The following COG6 variants were observed in gnomAD, a reference collection of about 807,000 sequenced individuals.
COG6 encodes component of oligomeric golgi complex 6.
A neutral mutation model predicts 88.8 loss-of-function variants in COG6; 74 were observed. The ratio of observed to expected loss-of-function variants is 0.83; its 90% confidence interval spans 0.69 to 1.01. COG6 has a LOEUF of 1.01. Among genes scored for constraint, COG6 ranks in the 50% least tolerant of loss-of-function variants. The probability of loss-of-function intolerance (pLI) is 0.00; values close to 1 mark genes in which losing one functional copy is unlikely to be tolerated. For missense variants in COG6, 800 were observed against 797.9 expected (o/e 1.00, Z -0.03); for synonymous variants, 286 against 278.7 (o/e 1.03, Z -0.26).
At chr13:39,707,329 A>G (rs369538653) in intron 13 of COG6, among the ~76,000 whole-genome samples, 10 of 151,842 alleles carry the variant, frequency 6.6e-5, no homozygotes, top group Admixed American at 2.0e-4. Context: ...GGGTTTCACC[A>G]TGTTGGCCAG....
At chr13:39,755,547 G>A (rs1273647744), downstream of COG6, among the ~76,000 whole-genome samples, 1 of 152,152 alleles carries the variant, frequency 6.6e-6, no homozygotes, top group Non-Finnish European at 1.5e-5. Context: ...AGAAAGGTTG[G>A]GAATGAGATG....
At chr13:39,777,073 C>T (rs1881486502) in intron 18 of COG6, among the ~76,000 whole-genome samples, 1 of 152,172 alleles carries the variant, frequency 6.6e-6, no homozygotes, top group South Asian at 2.1e-4. Flanking sequence ...AAGTGTTAGG[C>T]TAACTACTTT....
chr13:39,781,668 C>A (rs924609556), intron 18 of COG6, among the ~76,000 whole-genome samples: 1 of 152,066 alleles, frequency 6.6e-6, no homozygotes, highest in Admixed American at 6.6e-5. Context: ...CCCATTTCCT[C>A]TGTCTGGGTT....
intron 13 of COG6, among the ~76,000 whole-genome samples, chr13:39,712,806 T>C (rs1239863422): frequency 6.6e-6 from 1 of 152,254 alleles, no homozygotes; most frequent in African/African-American, 2.4e-5. Context: ...TGTGGCCATG[T>C]TTGCAACAAA....
In COG6 at chr13:39,676,371, A is replaced by G. The variant is rs565987047; in HGVS notation, c.429-1097A>G. Reference sequence around the variant, plus strand: ...ATAAGACCTCAAAAGCACAGGCAACAAAGCAAAAATAAGATAAATATTAAG... The same window carrying G: ...ATAAGACCTCAAAAGCACAGGCAACGAAGCAAAAATAAGATAAATATTAAG... On this transcript the variant is annotated intron_variant, in intron 4 of 18. Coordinates refer to ENST00000455146, the MANE Select transcript of COG6 (RefSeq NM_020751.3). Among the ~76,000 whole-genome samples the G allele has an allele frequency of 1.1e-3, 172 of 152,304 alleles. 2 individuals carry two copies. The highest frequency in any genetic ancestry group is 2.0e-3 in the Non-Finnish European group (137 of 67,998).
In COG6 at chr13:39,719,718, T is replaced by G; in HGVS notation, c.1475T>G (p.Leu492Ter). 1 of 1,612,706 alleles carries G rather than the reference T, an allele frequency of 6.2e-7. No individual in the cohort carries two copies. Residue 492 changes from leucine (L) to a stop codon, truncating the protein, a stop_gained, in exon 15 of 19, where the codon TTA (leucine) becomes TGA (stop). Coordinates refer to ENST00000455146, the MANE Select transcript of COG6 (RefSeq NM_020751.3). LOFTEE classifies it high-confidence loss of function. ...ATGTGTACTGTATCAGCCAGCAATT[T>G]AGGCACAGCTGACATGGCCACTTTC... The part of the protein sequence containing the change: ...LQMCTVSASN[L>*]GTADMATFMV...
intron 13 of COG6, among the ~76,000 whole-genome samples, chr13:39,704,491 A>G (rs1352655509): frequency 6.6e-6 from 1 of 152,186 alleles, no homozygotes; most frequent in Non-Finnish European, 1.5e-5. Context: ...ATTAAATGGA[A>G]GTGAATCATC....
At chr13:39,695,437 C>T (rs1877223492) in intron 12 of COG6, among the ~76,000 whole-genome samples, 1 of 151,596 alleles carries the variant, frequency 6.6e-6, no homozygotes, top group South Asian at 2.1e-4. Flanking sequence ...AAAACAATGT[C>T]TTTCCAAGCC....
At chr13:39,780,426 C>T (rs1881594938) in intron 18 of COG6, among the ~76,000 whole-genome samples, 1 of 152,096 alleles carries the variant, frequency 6.6e-6, no homozygotes, top group South Asian at 2.1e-4. Context: ...AAGAAATGTC[C>T]CTTCTATTCA....
chr13:39,685,358 G>A (rs1876575926), intron 8 of COG6, among the ~76,000 whole-genome samples: 1 of 151,960 alleles, frequency 6.6e-6, no homozygotes, highest in African/African-American at 2.4e-5. Flanking sequence ...AGGTTCACGT[G>A]GCTTATGCTG....
rs146447958 is a variant in COG6 at position 39,757,635 on chromosome 13, G to A, written c.1826+30087G>A. Among the ~76,000 whole-genome samples the A allele has an allele frequency of 2.2e-3, 328 of 149,928 alleles. 1 individual carries two copies. Among genetic ancestry groups the A allele is most frequent in the African/African-American group, 7.7e-3 (317 of 41,096 alleles). On this transcript the variant is annotated intron_variant, in intron 18 of 18. Coordinates refer to the COG6 transcript ENST00000416691. ...GACATTACTGAACTTACAGAAATAA[G>A]GATAACAGAATTCTATTAATAATTA... is the stretch of plus-strand genomic sequence containing the variant.
chr13:39,736,747 T>C (rs945734197), intron 18 of COG6, among the ~76,000 whole-genome samples: 13 of 152,202 alleles, frequency 8.5e-5, no homozygotes, highest in African/African-American at 3.1e-4. Flanking sequence ...TGAATTTCTT[T>C]GCACTTCCTC....
intron 7 of COG6, among the ~76,000 whole-genome samples, chr13:39,680,392 T>C (rs760845134): frequency 1.3e-5 from 2 of 152,214 alleles, no homozygotes; most frequent in Non-Finnish European, 2.9e-5. Flanking sequence ...GCAGATTAGG[T>C]ATCTCTTGTT....
intron 13 of COG6, among the ~76,000 whole-genome samples, chr13:39,710,039 A>G (rs1016728573): frequency 1.3e-5 from 2 of 152,170 alleles, no homozygotes; most frequent in African/African-American, 4.8e-5. Context: ...CATTTTTAAA[A>G]TAAAAAAGCT....
intron 18 of COG6, among the ~76,000 whole-genome samples, chr13:39,747,626 C>G (rs545491437): frequency 5.8e-4 from 88 of 152,212 alleles, no homozygotes; most frequent in African/African-American, 2.1e-3. Context: ...GAATTTTAAA[C>G]ACTCGTTTAG....
chr13:39,721,775 T>C (rs1211714187), intron 15 of COG6, among the ~76,000 whole-genome samples: 1 of 152,066 alleles, frequency 6.6e-6, no homozygotes, highest in Non-Finnish European at 1.5e-5. Context: ...TTTCCCACTC[T>C]TATATAGCTT....
intron 13 of COG6, among the ~76,000 whole-genome samples, chr13:39,708,521 A>C (rs1410047335): frequency 6.6e-6 from 1 of 152,172 alleles, no homozygotes; most frequent in Non-Finnish European, 1.5e-5. Flanking sequence ...TTTAGCTTCC[A>C]CATTTAGGCC....
rs536998162 is a variant in COG6, at chr13:39,671,315, A to ATTTTTTTT, written c.429-6149_429-6148insTTTTTTTT. Among the ~76,000 whole-genome samples, 700 of 151,784 alleles carry ATTTTTTTT rather than the reference A, an allele frequency of 4.6e-3. 6 individuals are homozygous for ATTTTTTTT. Among genetic ancestry groups the ATTTTTTTT allele is most frequent in the African/African-American group, 0.016 (647 of 41,436 alleles). On this transcript the variant is annotated intron_variant, in intron 4 of 18. Coordinates refer to ENST00000455146, the MANE Select transcript of COG6 (RefSeq NM_020751.3). Reference sequence around the variant, plus strand: ...ATGGTATGGATTTTTTTAAATGAAAATTTTGTCTGATCAAATTTTCCCCAC... The same window carrying ATTTTTTTT: ...ATGGTATGGATTTTTTTAAATGAAAATTTTTTTTTTTTGTCTGATCAAATTTTCCCCAC...
chr13:39,788,148 A>G (rs531202865), intron 18 of COG6, among the ~76,000 whole-genome samples: 1 of 152,328 alleles, frequency 6.6e-6, no homozygotes, highest in South Asian at 2.1e-4. Flanking sequence ...AAAATAATAA[A>G]CGGTAAGCAG....
Sources: allele counts gnomAD v4.1 joint callset (sites outside exome capture counted in the v4.1 genomes callset), GRCh38; gene constraint gnomAD v4.1.1; transcripts MANE v1.5; gene names NCBI Gene and HGNC (gene_info 2026-07-23, HGNC 2026-07-21).